Variants in RP2 observed in about 807,000 individuals in gnomAD.
The protein encoded by RP2 is RP2 activator of ARL3 GTPase, also known as protein XRP2.
RP2 carries 3 observed loss-of-function variants against 20.3 expected under a neutral mutation model. The ratio of observed to expected loss-of-function variants is 0.15; its 90% CI spans 0.07 to 0.38. The LOEUF (loss-of-function observed/expected upper bound fraction) is 0.38, where lower values mean the gene tolerates loss of function less well. Among genes scored for constraint, RP2 ranks in the 10% least tolerant of loss-of-function variants. RP2 has a pLI of 1.00. For missense variants in RP2, 233 were observed against 268.5 expected, an observed-to-expected ratio of 0.87 and a Z score of 0.92; for synonymous variants, 75 against 94.8, an observed-to-expected ratio of 0.79 and a Z score of 1.22.
At chrX:46,850,720 C>G (rs1427368042) in intron 1 of RP2, among the ~76,000 whole-genome samples, 2 of 111,831 alleles carry the variant, frequency 1.8e-5, no homozygotes, top group Non-Finnish European at 3.8e-5. Flanking sequence ...AGAACTTCCG[C>G]CCCACTTCTC....
intron 1 of RP2, 68 bp from the exon 2 acceptor site, chrX:46,853,408 A>G (rs978952822): frequency 2.0e-6 from 2 of 1,024,038 alleles, no homozygotes; most frequent in African/African-American, 1.9e-5. Context: ...CTGGCAGCCA[A>G]TAGTCCTTTA....
intron 3 of RP2, among the ~76,000 whole-genome samples, chrX:46,875,275 C>T (rs1556327519): frequency 9.5e-6 from 1 of 105,106 alleles, no homozygotes; most frequent in Non-Finnish European, 1.9e-5. Flanking sequence ...TGCAAAATGA[C>T]TGTTTTCTGT....
At chrX:46,867,352 C>T (rs953786644) in intron 3 of RP2, among the ~76,000 whole-genome samples, 1 of 112,866 alleles carries the variant, frequency 8.9e-6, no homozygotes, top group African/African-American at 3.2e-5. Flanking sequence ...CCGCCCGCCT[C>T]GGCCTCCCAA....
chrX:46,874,997 GCC>G (rs1556327482), intron 3 of RP2, among the ~76,000 whole-genome samples: 1 of 111,365 alleles, frequency 9.0e-6, no homozygotes, highest in Non-Finnish European at 1.9e-5. Flanking sequence ...TTAGATCAAA[GCC>G]TTGTTTACGT....
intron 1 of RP2, among the ~76,000 whole-genome samples, chrX:46,852,164 G>A (rs1220482410): frequency 3.6e-5 from 4 of 110,998 alleles, no homozygotes; most frequent in East Asian, 2.8e-4. Flanking sequence ...CTGAGATTGC[G>A]CCATTGCATT....
At chrX:46,856,000 C>T (rs1253817648) in intron 2 of RP2, among the ~76,000 whole-genome samples, 1 of 111,415 alleles carries the variant, frequency 9.0e-6, no homozygotes, top group Non-Finnish European at 1.9e-5. Flanking sequence ...TTCTCTTTTG[C>T]TTATGCCTAT....
chrX:46,856,611 T>C (rs782777540), intron 2 of RP2, among the ~76,000 whole-genome samples: 15 of 111,756 alleles, frequency 1.3e-4, no homozygotes, highest in Admixed American at 2.9e-4. Context: ...AGCAGAGCCA[T>C]GATTCCAATC....
chrX:46,859,657 T>C (rs1925030924), intron 2 of RP2, among the ~76,000 whole-genome samples: 1 of 111,727 alleles, frequency 9.0e-6, no homozygotes, highest in African/African-American at 3.2e-5. Context: ...TACTTAACCA[T>C]TCTCTTCTTA....
chrX:46,847,787 C>CGGGTGTGTGTATATACACACAT (rs1924770032), intron 1 of RP2, among the ~76,000 whole-genome samples: 1 of 82,654 alleles, frequency 1.2e-5, no homozygotes, highest in Non-Finnish European at 2.2e-5. Flanking sequence ...TACATACACA[C>CGGGTGTGTGTATATACACACAT]ATGTGTGTGT....
In RP2 at chrX:46,849,039, A is replaced by G. The variant is rs190477413; in HGVS notation, c.103-4437A>G. On this transcript the variant is annotated intron_variant, in intron 1 of 4. Transcript: ENST00000218340. ...AGTGAGACCCTGTGTCAGAAAAAAAAAATACAGTCTAAACTAAACTCACTT... is the reference window on the plus strand; with the variant it reads ...AGTGAGACCCTGTGTCAGAAAAAAAGAATACAGTCTAAACTAAACTCACTT... Among the ~76,000 whole-genome samples, 750 of 110,302 alleles carry G rather than the reference A, an allele frequency of 6.8e-3. 5 individuals are homozygous for G. Among genetic ancestry groups the G allele is most frequent in the African/African-American group, 0.024 (718 of 30,347 alleles).
chrX:46,847,669 T>G (rs1210098016), intron 1 of RP2, among the ~76,000 whole-genome samples: 4 of 100,885 alleles, frequency 4.0e-5, no homozygotes, highest in African/African-American at 1.4e-4. Context: ...CATATATATA[T>G]CTATATCGAT....
chrX:46,857,844 G>C (rs1924992672), intron 2 of RP2, among the ~76,000 whole-genome samples: 1 of 112,093 alleles, frequency 8.9e-6, no homozygotes, highest in Non-Finnish European at 1.9e-5. Context: ...TAAAATCAGA[G>C]ATGATAAGCA....
chrX:46,878,995 C>T (rs1042267026), intron 4 of RP2, among the ~76,000 whole-genome samples: 3 of 92,526 alleles, frequency 3.2e-5, no homozygotes, highest in Non-Finnish European at 4.1e-5. Context: ...GAGGCTGAAG[C>T]GGGAAGACTG....
chrX:46,879,062 TAA>T (rs35579507), intron 4 of RP2, among the ~76,000 whole-genome samples: 19 of 33,047 alleles, frequency 5.7e-4, no homozygotes, highest in African/African-American at 2.9e-3. Flanking sequence ...CTACAAAAAG[TAA>T]AAAAAAAAAA....
At position 46,880,665 on chromosome X, in the gene RP2, C is replaced by T. The variant is rs1181519615; in HGVS notation, c.*896C>T. ...ATAAGCTATGCAGATTATTAAAAAG[C>T]TTGATACATTTGATTTTTCATTAGA... On this transcript the variant is annotated 3_prime_UTR_variant, in exon 5 of 5. Coordinates refer to ENST00000218340, the MANE Select transcript of RP2 (RefSeq NM_006915.3). The T allele has an allele frequency of 8.9e-6, 1 of 111,910 alleles. No individual in the cohort carries two copies. Among genetic ancestry groups the T allele is most frequent in the Non-Finnish European group, 1.9e-5 (1 of 53,148 alleles). The allele number at this position is 111,910 out of a possible 1,213,427, so 9.2% of individuals were successfully genotyped here.
intron 3 of RP2, among the ~76,000 whole-genome samples, chrX:46,870,273 AT>A (rs537521590): frequency 1.1e-4 from 12 of 106,484 alleles, no homozygotes; most frequent in African/African-American, 2.7e-4. Context: ...ATGCCCAGCT[AT>A]TTTTTTTTTA....
chrX:46,857,490 C>T (rs901876381), intron 2 of RP2, among the ~76,000 whole-genome samples: 5 of 111,767 alleles, frequency 4.5e-5, no homozygotes, highest in South Asian at 3.7e-4. Context: ...ACCCACGAGG[C>T]GGAGGTTGCA....
intron 3 of RP2, among the ~76,000 whole-genome samples, chrX:46,867,257 C>T (rs1433887260): frequency 8.9e-6 from 1 of 111,849 alleles, no homozygotes; most frequent in Non-Finnish European, 1.9e-5. Context: ...CCTGCCACCA[C>T]GCCCGACTAA....
chrX:46,871,688 T>C (rs563539036), intron 3 of RP2, among the ~76,000 whole-genome samples: 15 of 112,353 alleles, frequency 1.3e-4, no homozygotes, highest in Middle Eastern at 9.3e-3. Context: ...TTGAATTTTC[T>C]ATAAATGTCC....
Sources: allele counts gnomAD v4.1 joint callset (sites outside exome capture counted in the v4.1 genomes callset), GRCh38; gene constraint gnomAD v4.1.1; transcripts MANE v1.5; gene names NCBI Gene and HGNC (gene_info 2026-07-23, HGNC 2026-07-21).